The following DSCAM variants were observed in gnomAD, a reference collection of about 807,000 sequenced individuals.
DSCAM encodes DS cell adhesion molecule.
DSCAM carries 47 observed loss-of-function variants against 217.7 expected under a neutral mutation model. The observed-to-expected ratio is 0.22, with a 90% CI of 0.17 to 0.28. The LOEUF is 0.28. DSCAM is among the 10% of genes least tolerant of loss of function. The pLI is 1.00. For missense variants in DSCAM, 2,080 were observed against 2,618.3 expected (o/e 0.79, Z 4.49); for synonymous variants, 1,056 against 1,015.3 (o/e 1.04, Z -0.76).
At chr21:40,420,292 C>A (rs965215083) in intron 3 of DSCAM, among the ~76,000 whole-genome samples, 4 of 152,114 alleles carry the variant, frequency 2.6e-5, no homozygotes, top group African/African-American at 7.2e-5. Flanking sequence ...CATGAATCTG[C>A]GCTTGAGTGT....
At chr21:40,637,418 T>TATAA (rs1334281951) in intron 3 of DSCAM, among the ~76,000 whole-genome samples, 2 of 2,024 alleles carry the variant, frequency 9.9e-4, no homozygotes, top group African/African-American at 3.3e-3. Flanking sequence ...TATAAATATA[T>TATAA]ATATAAATAT....
intron 3 of DSCAM, among the ~76,000 whole-genome samples, chr21:40,619,997 GAA>G (rs1164754388): frequency 8.4e-5 from 9 of 107,340 alleles, no homozygotes; most frequent in South Asian, 3.5e-4. Context: ...AAGAGAGAGA[GAA>G]AGAGAGAGAA....
intron 3 of DSCAM, among the ~76,000 whole-genome samples, chr21:40,646,923 C>G (rs944240572): frequency 2.0e-5 from 3 of 152,360 alleles, no homozygotes; most frequent in Middle Eastern, 3.4e-3. Flanking sequence ...TGCCAATATT[C>G]TCTTCTAAAG....
chr21:40,460,732 G>C (rs893544477), intron 3 of DSCAM, among the ~76,000 whole-genome samples: 1 of 152,136 alleles, frequency 6.6e-6, no homozygotes, highest in African/African-American at 2.4e-5. Context: ...CTTCAAAAGA[G>C]AGATGCAAAT....
intron 28 of DSCAM, among the ~76,000 whole-genome samples, chr21:40,057,470 G>T (rs75966435): frequency 6.6e-6 from 1 of 152,078 alleles, no homozygotes; most frequent in Non-Finnish European, 1.5e-5. Context: ...ACCTCACTAG[G>T]GACTTGAGCT....
At chr21:40,105,707 CAG>C (rs2146620900) in intron 20 of DSCAM, among the ~76,000 whole-genome samples, 1 of 152,144 alleles carries the variant, frequency 6.6e-6, no homozygotes, top group Non-Finnish European at 1.5e-5. Context: ...AATAGGATAA[CAG>C]GGAAAAAAGA....
rs191698113 is a variant in DSCAM at position 40,198,805 on chromosome 21, C to T, written c.2357-9567G>A. Among the ~76,000 whole-genome samples the T allele has an allele frequency of 2.0e-4, 31 of 152,298 alleles. 1 individual carries two copies. The highest frequency in any genetic ancestry group is 2.0e-3 in the Admixed American group (30 of 15,306). On this transcript the variant is annotated intron_variant, in intron 11 of 32. Coordinates refer to ENST00000400454, the MANE Select transcript of DSCAM (RefSeq NM_001389.5). Reference sequence around the variant, plus strand: ...TGGCTCCACATACCCTGTTCATGCTCCATTGTCACACTGGACTTCACTTGC... The same window carrying T: ...TGGCTCCACATACCCTGTTCATGCTTCATTGTCACACTGGACTTCACTTGC...
intron 3 of DSCAM, among the ~76,000 whole-genome samples, chr21:40,654,043 C>T (rs1472936263): frequency 6.6e-6 from 1 of 150,620 alleles, no homozygotes; most frequent in African/African-American, 2.4e-5. Flanking sequence ...TGCAGTGAGC[C>T]GAGACCACAC....
At chr21:40,268,618 G>GGAAGAA (rs57090736) in intron 11 of DSCAM, among the ~76,000 whole-genome samples, 20 of 152,020 alleles carry the variant, frequency 1.3e-4, no homozygotes, top group African/African-American at 4.8e-4. Flanking sequence ...AGGAGGAGGA[G>GGAAGAA]AACAGTGGAG....
rs1405114167 is a variant in DSCAM at position 40,035,637 on chromosome 21, A to G, written c.5686+6734T>C. On this transcript the variant is annotated intron_variant, in intron 32 of 32. Transcript: ENST00000400454. Reference sequence around the variant, plus strand: ...AGAAAGTCAACAAGGATACCCAGGAATTGAACTCAGCTCTGCACCAAGTGG... The same window carrying G: ...AGAAAGTCAACAAGGATACCCAGGAGTTGAACTCAGCTCTGCACCAAGTGG... Among the ~76,000 whole-genome samples the G allele has an allele frequency of 1.1e-4, 16 of 148,978 alleles. No individual in the cohort carries two copies. In the South Asian group the frequency reaches 3.4e-3, roughly 32 times the overall value.
chr21:40,460,815 A>G (rs1216119010), intron 3 of DSCAM, among the ~76,000 whole-genome samples: 1 of 152,206 alleles, frequency 6.6e-6, no homozygotes, highest in Non-Finnish European at 1.5e-5. Context: ...GAATCAGCCA[A>G]AGAGATATGG....
chr21:40,765,278 C>T (rs980560138), intron 1 of DSCAM, among the ~76,000 whole-genome samples: 2 of 152,168 alleles, frequency 1.3e-5, no homozygotes, highest in African/African-American at 4.8e-5. Context: ...CAATTCCTTG[C>T]GCAGAGCAAC....
chr21:40,469,731 A>G (rs1252174163), intron 3 of DSCAM, among the ~76,000 whole-genome samples: 1 of 152,222 alleles, frequency 6.6e-6, no homozygotes, highest in Non-Finnish European at 1.5e-5. Context: ...AAAAAATTAA[A>G]TACCAGAAAT....
At chr21:40,763,394 A>G (rs1056843637) in intron 1 of DSCAM, among the ~76,000 whole-genome samples, 13 of 152,182 alleles carry the variant, frequency 8.5e-5, no homozygotes, top group Non-Finnish European at 1.6e-4. Flanking sequence ...AAGGGATGCG[A>G]TAAGACCTCT....
At chr21:40,197,622 C>A (rs1882797) in intron 11 of DSCAM, among the ~76,000 whole-genome samples, 2 of 152,012 alleles carry the variant, frequency 1.3e-5, no homozygotes, top group Non-Finnish European at 2.9e-5. Flanking sequence ...TTCCCATCCC[C>A]TCTCTTCCCT....
intron 10 of DSCAM, among the ~76,000 whole-genome samples, chr21:40,286,812 AGTGTGATCCATG>A (rs1383596756): frequency 7.2e-6 from 1 of 139,110 alleles, no homozygotes; most frequent in Non-Finnish European, 1.5e-5. Context: ...AGGTATCTGC[AGTGTGATCCATG>A]GTGTGATCTG....
chr21:40,415,787 G>C (rs1478761549), intron 3 of DSCAM, among the ~76,000 whole-genome samples: 1 of 152,074 alleles, frequency 6.6e-6, no homozygotes, highest in Admixed American at 6.5e-5. Flanking sequence ...CTTATACACT[G>C]CTTCCCCTCT....
At chr21:40,690,960 T>C (rs1419495931) in intron 3 of DSCAM, among the ~76,000 whole-genome samples, 4 of 152,040 alleles carry the variant, frequency 2.6e-5, no homozygotes, top group Non-Finnish European at 2.9e-5. Context: ...AGGAAGAGGA[T>C]CAGGAAAAAT....
chr21:40,588,025 C>A (rs559099878), intron 3 of DSCAM, among the ~76,000 whole-genome samples: 1 of 152,124 alleles, frequency 6.6e-6, no homozygotes, highest in African/African-American at 2.4e-5. Context: ...TGCATGGCTT[C>A]CAATATTGCA....
Sources: allele counts gnomAD v4.1 joint callset (sites outside exome capture counted in the v4.1 genomes callset), GRCh38; gene constraint gnomAD v4.1.1; transcripts MANE v1.5; gene names NCBI Gene and HGNC (gene_info 2026-07-23, HGNC 2026-07-21).